The following NPAS3 variants were observed in gnomAD, a reference collection of about 807,000 sequenced individuals.
NPAS3 encodes the protein neuronal PAS domain protein 3, also known as neuronal PAS domain-containing protein 3.
Under a neutral mutation model 73.1 loss-of-function variants are expected in NPAS3, and 14 were observed. The ratio of observed to expected loss-of-function variants is 0.19; its 90% CI spans 0.13 to 0.30. The LOEUF is 0.30. NPAS3 is among the 10% of genes least tolerant of loss of function. The probability of loss-of-function intolerance (pLI) is 1.00; values close to 1 mark genes in which losing one functional copy is unlikely to be tolerated. For missense variants in NPAS3, 1,096 were observed against 1,250.0 expected (o/e 0.88, Z 1.86); for synonymous variants, 620 against 541.5 (o/e 1.14, Z -2.01).
At chr14:33,155,517 A>G (rs55794145) in intron 2 of NPAS3, among the ~76,000 whole-genome samples, 38,120 of 152,052 alleles carry the variant, frequency 0.25, 5,496 homozygotes, top group East Asian at 0.46. Flanking sequence ...CAGTTTCCTG[A>G]GTAGTCAAGG....
intron 5 of NPAS3, among the ~76,000 whole-genome samples, chr14:33,562,836 G>A (rs1288159177): frequency 3.3e-5 from 5 of 151,514 alleles, no homozygotes; most frequent in African/African-American, 7.3e-5. Flanking sequence ...CAGTTTTAGG[G>A]GTTGTGGGGT....
In NPAS3 at chr14:33,774,325, G is replaced by A. The variant is rs372528214; in HGVS notation, c.853-12G>A. 8.1e-6 allele frequency: 13 copies of A among 1,609,066 alleles called. No individual in the cohort carries two copies. In the African/African-American group the frequency reaches 1.5e-4, roughly 18 times the overall value. ...ATTTGACTGGTGTCCTGTACTTAAT[G>A]TTGTTTTACAGGTGATTCACATAAC... On this transcript the variant is annotated splice_polypyrimidine_tract_variant and intron_variant, in intron 7 of 11. Transcript: ENST00000356141.
intron 5 of NPAS3, among the ~76,000 whole-genome samples, chr14:33,632,170 G>T (rs1219782434): frequency 6.6e-6 from 1 of 152,130 alleles, no homozygotes; most frequent in African/African-American, 2.4e-5. Context: ...GAACTAGTTG[G>T]TGACCTTCTA....
intron 4 of NPAS3, among the ~76,000 whole-genome samples, chr14:33,466,988 A>G (rs746315658): frequency 6.6e-6 from 1 of 152,174 alleles, no homozygotes; most frequent in Admixed American, 6.5e-5. Context: ...TTTCATGTCT[A>G]ATATATTTAT....
At position 33,392,919 on chromosome 14, in the gene NPAS3, G is replaced by C. The variant is rs545205608; in HGVS notation, c.468+25651G>C. On this transcript the variant is annotated intron_variant, in intron 4 of 11. Coordinates refer to ENST00000356141, the Ensembl canonical transcript of NPAS3. ...CAGAGGTGATCCTCTCATGGCCATGGCTATGGACTGTGATCTGCTGAGCAA... is the reference window on the plus strand; with the variant it reads ...CAGAGGTGATCCTCTCATGGCCATGCCTATGGACTGTGATCTGCTGAGCAA... 3.3e-5 allele frequency among the ~76,000 whole-genome samples: 5 copies of C among 152,126 alleles called. No homozygotes were observed. In the East Asian group the frequency reaches 9.7e-4, roughly 29 times the overall value.
At chr14:33,590,320 T>G (rs2057018167) in intron 5 of NPAS3, among the ~76,000 whole-genome samples, 1 of 152,176 alleles carries the variant, frequency 6.6e-6, no homozygotes, top group Non-Finnish European at 1.5e-5. Context: ...TTGTTTTGTC[T>G]TCAGTGGCTT....
At chr14:33,448,417 C>T (rs769873980) in intron 4 of NPAS3, among the ~76,000 whole-genome samples, 17 of 152,146 alleles carry the variant, frequency 1.1e-4, no homozygotes, top group Non-Finnish European at 2.1e-4. Context: ...TTGGAAATGG[C>T]AACTGCAAAA....
At chr14:33,330,481 T>C (rs1333724670) in intron 3 of NPAS3, among the ~76,000 whole-genome samples, 1 of 152,170 alleles carries the variant, frequency 6.6e-6, no homozygotes, top group Non-Finnish European at 1.5e-5. Context: ...GCCAGGCACA[T>C]AATAAACACT....
intron 9 of NPAS3, among the ~76,000 whole-genome samples, chr14:33,792,884 G>A (rs1273320288): frequency 6.6e-6 from 1 of 152,212 alleles, no homozygotes; most frequent in African/African-American, 2.4e-5. Context: ...GCCAGCCGGT[G>A]AGCTTTCGCG....
intron 2 of NPAS3, among the ~76,000 whole-genome samples, chr14:33,086,819 AT>A (rs1555334750): frequency 6.6e-6 from 1 of 152,078 alleles, no homozygotes; most frequent in Non-Finnish European, 1.5e-5. Context: ...ATCTGGGGTT[AT>A]TGTAAGACAG....
chr14:33,367,845 T>C (rs983117672), intron 4 of NPAS3, among the ~76,000 whole-genome samples: 1 of 152,144 alleles, frequency 6.6e-6, no homozygotes, highest in African/African-American at 2.4e-5. Context: ...AAAATAAATG[T>C]TAAAGGTCAC....
chr14:33,696,123 CTCTTG>C (rs2060372190), intron 6 of NPAS3, among the ~76,000 whole-genome samples: 1 of 152,158 alleles, frequency 6.6e-6, no homozygotes, highest in Admixed American at 6.5e-5. Context: ...CCAATTAGTA[CTCTTG>C]TCTTGTAACT....
At chr14:33,784,422 A>G (rs2063078889) in intron 9 of NPAS3, among the ~76,000 whole-genome samples, 1 of 152,248 alleles carries the variant, frequency 6.6e-6, no homozygotes, top group Non-Finnish European at 1.5e-5. Context: ...CAGACAAAAC[A>G]CAGAAACCCC....
chr14:33,796,289 C>G (rs903297682), intron 10 of NPAS3, among the ~76,000 whole-genome samples: 7 of 152,312 alleles, frequency 4.6e-5, no homozygotes, highest in Non-Finnish European at 1.0e-4. Flanking sequence ...TCTTCCCATT[C>G]CCTCGTGATA....
At chr14:33,659,613 TTAA>T (rs764174925) in intron 5 of NPAS3, among the ~76,000 whole-genome samples, 3 of 152,156 alleles carry the variant, frequency 2.0e-5, no homozygotes, top group South Asian at 4.1e-4. Context: ...AACAAGAGAC[TTAA>T]TAATAATTGT....
intron 2 of NPAS3, among the ~76,000 whole-genome samples, chr14:33,116,434 A>G (rs1362559828): frequency 1.3e-5 from 2 of 152,088 alleles, no homozygotes; most frequent in African/African-American, 4.8e-5. Context: ...TGAAATATAG[A>G]TGTATGTATA....
chr14:33,288,129 A>G (rs576430493), intron 3 of NPAS3, among the ~76,000 whole-genome samples: 1 of 152,186 alleles, frequency 6.6e-6, no homozygotes, highest in Non-Finnish European at 1.5e-5. Context: ...TGATTTAGAA[A>G]GGTTAGATAT....
At chr14:33,262,601 G>A (rs969145987) in intron 3 of NPAS3, among the ~76,000 whole-genome samples, 2 of 151,988 alleles carry the variant, frequency 1.3e-5, no homozygotes, top group African/African-American at 2.4e-5. Flanking sequence ...ATTATTCATG[G>A]CATTTTATTA....
chr14:33,622,648 C>T (rs77256306), intron 5 of NPAS3, among the ~76,000 whole-genome samples: 1,886 of 152,290 alleles, frequency 0.012, 43 homozygotes, highest in African/African-American at 0.043. Context: ...TAGTTATTCC[C>T]ATCCAGATTG....
Sources: gnomAD v4.1 joint callset for allele counts (sites outside exome capture counted in the v4.1 genomes callset) on GRCh38, gnomAD v4.1.1 for gene constraint, MANE v1.5 for transcripts, NCBI Gene and HGNC (gene_info 2026-07-23, HGNC 2026-07-21) for gene names.